The following MYO18B variants were observed in gnomAD, a reference collection of about 807,000 sequenced individuals.
The protein encoded by MYO18B is unconventional myosin-XVIIIb.
In MYO18B, 204 loss-of-function variants were observed where a neutral mutation model predicts 273.0. That is an observed-to-expected ratio of 0.75 (90% confidence interval 0.67 to 0.84). The LOEUF is 0.84. MYO18B is among the 40% of genes least tolerant of loss of function. The pLI is 0.00. For missense variants in MYO18B, 3,212 were observed against 3,287.6 expected (o/e 0.98, Z 0.56); for synonymous variants, 1,330 against 1,305.7 (o/e 1.02, Z -0.40).
At chr22:25,778,995 CATT>C (rs906852519) in intron 8 of MYO18B, among the ~76,000 whole-genome samples, 4 of 152,052 alleles carry the variant, frequency 2.6e-5, no homozygotes, top group Admixed American at 6.5e-5. Context: ...AGCTTTTTTT[CATT>C]ATTGCACACT....
intron 34 of MYO18B, among the ~76,000 whole-genome samples, chr22:25,921,856 G>GTGTGC (rs1569193559): frequency 7.1e-6 from 1 of 141,256 alleles, no homozygotes; most frequent in African/African-American, 2.8e-5. Context: ...GTGTGTGTGT[G>GTGTGC]GTGACTGCCA....
chr22:25,925,200 T>TA (rs2092402212), intron 34 of MYO18B, among the ~76,000 whole-genome samples: 2 of 152,160 alleles, frequency 1.3e-5, no homozygotes, highest in South Asian at 4.1e-4. Context: ...AACACCATTT[T>TA]AAAATCACAG....
rs916130598 is a variant in MYO18B at position 25,777,782 on chromosome 22, G to T, written c.2068+1G>T. 3 of 1,590,094 alleles carry T rather than the reference G, an allele frequency of 1.9e-6. No individual in the cohort carries two copies. The highest frequency in any genetic ancestry group is 2.2e-5 in the East Asian group (1 of 44,550). ...GGCAGTGTGGATGGCAGGGTCTCAG[G>T]TATGGTGGTCTCTAGGTGACATGGA... On this transcript the variant is annotated splice_donor_variant, in intron 8 of 43. Coordinates refer to ENST00000335473, the MANE Select transcript of MYO18B (RefSeq NM_032608.7). LOFTEE classifies it high-confidence loss of function.
intron 42 of MYO18B, among the ~76,000 whole-genome samples, chr22:26,021,887 A>G (rs147701401): frequency 2.5e-3 from 388 of 152,330 alleles, no homozygotes; most frequent in African/African-American, 8.7e-3. Context: ...CACAGTAGGT[A>G]TCTAGTCAGG....
intron 41 of MYO18B, among the ~76,000 whole-genome samples, chr22:26,003,540 C>A (rs886717606): frequency 5.3e-5 from 8 of 152,186 alleles, no homozygotes; most frequent in Non-Finnish European, 1.0e-4. Flanking sequence ...CCTCAGACAC[C>A]TTCAATGGCT....
chr22:25,850,641 G>A (rs2090397894), intron 20 of MYO18B, among the ~76,000 whole-genome samples: 1 of 152,056 alleles, frequency 6.6e-6, no homozygotes, highest in Admixed American at 6.6e-5. Flanking sequence ...GCAGTGGCAC[G>A]ATCGTGGCTT....
chr22:26,063,771 A>G, the MYO18B span, among the ~76,000 whole-genome samples: 1 of 152,230 alleles, frequency 6.6e-6, no homozygotes. Context: ...AACTGTGACT[A>G]TAGATTCCAG....
intron 37 of MYO18B, among the ~76,000 whole-genome samples, chr22:25,950,994 AGGGCAAGAAGCATCCAGCAC>A (rs959355590): frequency 6.6e-6 from 1 of 152,238 alleles, no homozygotes; most frequent in Non-Finnish European, 1.5e-5. Context: ...TCAATGTTCA[AGGGCAAGAAGCATCCAGCAC>A]GGGAGAAAGA....
chr22:26,055,386 C>G, the MYO18B span, among the ~76,000 whole-genome samples: 1 of 152,164 alleles, frequency 6.6e-6, no homozygotes, highest in East Asian at 1.9e-4. Context: ...CTGGGATTTG[C>G]AAGACCTGGA....
intron 39 of MYO18B, among the ~76,000 whole-genome samples, chr22:25,963,401 C>A (rs1248958401): frequency 6.6e-6 from 1 of 151,496 alleles, no homozygotes; most frequent in African/African-American, 2.4e-5. Context: ...CCTTCCTTCC[C>A]CTGGTGGCTC....
intron 33 of MYO18B, among the ~76,000 whole-genome samples, chr22:25,920,770 A>C (rs1335261967): frequency 2.0e-5 from 3 of 152,214 alleles, no homozygotes; most frequent in South Asian, 4.1e-4. Context: ...CACCCAGATC[A>C]ATAACATTAA....
At chr22:25,950,046 G>A (rs1179795693) in intron 36 of MYO18B, among the ~76,000 whole-genome samples, 2 of 152,248 alleles carry the variant, frequency 1.3e-5, no homozygotes, top group African/African-American at 2.4e-5. Flanking sequence ...ATGACCCTCC[G>A]AGTAGCTCTC....
intron 43 of MYO18B, chr22:26,028,249 G>GAA (rs753643785): frequency 1.5e-5 from 2 of 136,808 alleles, no homozygotes; most frequent in Non-Finnish European, 3.1e-5. Flanking sequence ...TCTGTCTCAG[G>GAA]GAAAAAAAAA....
At chr22:25,763,617 G>T (rs151265999) in intron 3 of MYO18B, among the ~76,000 whole-genome samples, 87 of 152,274 alleles carry the variant, frequency 5.7e-4, no homozygotes, top group Non-Finnish European at 1.1e-3. Flanking sequence ...TCTGAATCCT[G>T]CTGCACCTTC....
chr22:25,820,919 A>G (rs1196927274), intron 12 of MYO18B, among the ~76,000 whole-genome samples: 1 of 152,110 alleles, frequency 6.6e-6, no homozygotes, highest in African/African-American at 2.4e-5. Context: ...ACATATGAAT[A>G]AGAACATGTG....
intron 25 of MYO18B, among the ~76,000 whole-genome samples, chr22:25,885,337 G>T (rs1019717697): frequency 3.9e-5 from 6 of 152,148 alleles, no homozygotes; most frequent in Non-Finnish European, 5.9e-5. Context: ...ACCCAGGGCT[G>T]GTCAACTCCA....
intron 20 of MYO18B, among the ~76,000 whole-genome samples, chr22:25,850,821 C>G (rs945905961): frequency 6.6e-6 from 1 of 152,124 alleles, no homozygotes; most frequent in Non-Finnish European, 1.5e-5. Context: ...TGTACAGCCC[C>G]CTCTGCCTAG....
At chr22:25,983,771 C>G (rs1386935277) in intron 39 of MYO18B, among the ~76,000 whole-genome samples, 1 of 152,210 alleles carries the variant, frequency 6.6e-6, no homozygotes, top group African/African-American at 2.4e-5. Flanking sequence ...TCCTTTTAAT[C>G]CAGATCTTAT....
chr22:26,026,894 CAA>C lies in MYO18B; in HGVS notation c.6922_6923del (p.Lys2308ValfsTer114), dbSNP rs1936286667. 6.2e-7 allele frequency: 1 copy of C among 1,605,388 alleles called. No homozygotes were observed. The highest frequency in any genetic ancestry group is 8.5e-7 in the Non-Finnish European group (1 of 1,175,164). ...GGAAACCTCTCGCTGAGGGTTGGGG[CAA>C]AGTCACCCCTGGAAATCGAAGGGGC... On this transcript the variant is annotated frameshift_variant, in exon 43 of 44. Coordinates refer to ENST00000335473, the MANE Select transcript of MYO18B (RefSeq NM_032608.7). LOFTEE classifies it high-confidence loss of function.
Sources: gnomAD v4.1 joint callset for allele counts (sites outside exome capture counted in the v4.1 genomes callset) on GRCh38, gnomAD v4.1.1 for gene constraint, MANE v1.5 for transcripts, NCBI Gene and HGNC (gene_info 2026-07-23, HGNC 2026-07-21) for gene names.